Variants in RFC3 observed in about 807,000 individuals in gnomAD.
RFC3 encodes the protein replication factor C subunit 3.
Under a neutral mutation model 45.1 loss-of-function variants are expected in RFC3, and 41 were observed. The ratio of observed to expected loss-of-function variants is 0.91; its 90% confidence interval spans 0.71 to 1.18. RFC3 has a LOEUF of 1.18. Ranked by LOEUF, RFC3 falls within the 50% of genes most tolerant of loss-of-function variation. The pLI is 0.00. For missense variants in RFC3, 423 were observed against 428.1 expected (o/e 0.99, Z 0.10); for synonymous variants, 149 against 144.0 (o/e 1.03, Z -0.25).
At chr13:33,963,671 T>C (rs2083071026) in intron 8 of RFC3, among the ~76,000 whole-genome samples, 4 of 152,216 alleles carry the variant, frequency 2.6e-5, no homozygotes, top group Admixed American at 2.6e-4. Flanking sequence ...CCATCCTCTG[T>C]TTCTATAATG....
intron 8 of RFC3, chr13:33,847,190 C>G (rs1456579073): frequency 1.3e-5 from 2 of 152,432 alleles, no homozygotes; most frequent in Non-Finnish European, 2.9e-5. Flanking sequence ...GCGTGAGCCA[C>G]CATGCCTGGC....
intron 2 of RFC3, among the ~76,000 whole-genome samples, chr13:33,823,562 A>G (rs900242153): frequency 2.6e-5 from 4 of 152,158 alleles, no homozygotes; most frequent in African/African-American, 9.6e-5. Flanking sequence ...TTGACACTCC[A>G]TGAAAATACA....
chr13:33,854,931 T>C (rs2082299166), intron 8 of RFC3, among the ~76,000 whole-genome samples: 1 of 54,652 alleles, frequency 1.8e-5, no homozygotes, highest in African/African-American at 3.5e-5. Context: ...CATAACCATG[T>C]AGTCAAAACT....
In RFC3 at chr13:33,884,971, T is replaced by C. The variant is rs186162154; in HGVS notation, c.879+49754T>C. On this transcript the variant is annotated intron_variant, in intron 8 of 8. Coordinates refer to the RFC3 transcript ENST00000434425. ...GTCATTTCCTGAACTCCTCGACCTC[T>C]TAGTGTGAGAGCCAACTCTTTTATT... Among the ~76,000 whole-genome samples the C allele has an allele frequency of 8.5e-5, 13 of 152,308 alleles. No individual in the cohort carries two copies. The East Asian group carries it at 2.5e-3, about 29-fold the overall frequency.
chr13:33,920,420 C>CTTTT lies in RFC3; in HGVS notation c.880-45645_880-45642dup, dbSNP rs777079510. On this transcript the variant is annotated intron_variant, in intron 8 of 8. Transcript: ENST00000434425. Reference sequence around the variant, plus strand: ...GAGTTTTAGAATTTGTACAACCACACTTTTTTTTTTTTTTTTTTTTTTTTT... The same window carrying CTTTT: ...GAGTTTTAGAATTTGTACAACCACACTTTTTTTTTTTTTTTTTTTTTTTTTTTTT... Among the ~76,000 whole-genome samples the CTTTT allele has an allele frequency of 8.5e-4, 71 of 83,170 alleles. 1 individual carries two copies. The highest frequency in any genetic ancestry group is 1.8e-3 in the African/African-American group (35 of 19,598). The allele number at this position is 83,170 out of a possible 152,430, so 54.6% of individuals were successfully genotyped here. A position where few individuals can be genotyped will look rare whatever the true frequency, so the allele number is the denominator to read the frequency against.
At chr13:33,852,131 T>A (rs1344436399) in intron 8 of RFC3, among the ~76,000 whole-genome samples, 1 of 152,236 alleles carries the variant, frequency 6.6e-6, no homozygotes, top group Non-Finnish European at 1.5e-5. Flanking sequence ...AAGCAAAGAT[T>A]TTAACTGTAA....
At chr13:33,934,174 G>GA (rs200503031) in intron 8 of RFC3, among the ~76,000 whole-genome samples, 26,076 of 143,920 alleles carry the variant, frequency 0.18, 3,246 homozygotes, top group African/African-American at 0.33. Flanking sequence ...TCTACTAAAA[G>GA]AAAAAAAAAA....
At chr13:33,915,829 C>T (rs1290053025) in intron 8 of RFC3, among the ~76,000 whole-genome samples, 2 of 152,010 alleles carry the variant, frequency 1.3e-5, no homozygotes, top group South Asian at 2.1e-4. Context: ...GAGAGAGTCT[C>T]ACTCTGTCAC....
At chr13:33,908,981 G>A (rs2137693227) in intron 8 of RFC3, among the ~76,000 whole-genome samples, 1 of 152,134 alleles carries the variant, frequency 6.6e-6, no homozygotes, top group South Asian at 2.1e-4. Context: ...CACCACAGTG[G>A]GGAAAGCCAT....
rs959348706 is a variant in RFC3 at position 33,909,159 on chromosome 13, AT to A, written c.880-56918del. On this transcript the variant is annotated intron_variant, in intron 8 of 8. Transcript: ENST00000434425. ...GATGTTGAAACTACCTGTAATATACATTTTTTTTTTCAGGCGAGATTTAAGA... is the reference window on the plus strand; with the variant it reads ...GATGTTGAAACTACCTGTAATATACATTTTTTTTTCAGGCGAGATTTAAGA... Among the ~76,000 whole-genome samples, 9 of 149,822 alleles carry A rather than the reference AT, an allele frequency of 6.0e-5. No homozygotes were observed. In the East Asian group the frequency reaches 1.2e-3, roughly 20 times the overall value.
Position 33,835,183 on chromosome 13 carries a change from T to TA in RFC3, c.847dup (p.Thr283AsnfsTer7), listed in dbSNP as rs1288185039. The TA allele has an allele frequency of 3.7e-6, 6 of 1,610,132 alleles. No homozygotes were observed. Among genetic ancestry groups the TA allele is most frequent in the Non-Finnish European group, 5.1e-6 (6 of 1,176,586 alleles). On this transcript the variant is annotated frameshift_variant, in exon 8 of 9. Transcript: ENST00000380071. LOFTEE classifies it high-confidence loss of function. ...GTTCGTGGAAGGCTGTATGAGCTTC[T>TA]AACTCATTGTATTCCTCCTGAGATA...
chr13:33,946,321 G>A (rs1039831394), intron 8 of RFC3, among the ~76,000 whole-genome samples: 1 of 152,178 alleles, frequency 6.6e-6, no homozygotes, highest in Non-Finnish European at 1.5e-5. Context: ...TAATTGGAAT[G>A]TGCCCTGGGA....
intron 8 of RFC3, among the ~76,000 whole-genome samples, chr13:33,935,836 T>C (rs1185250287): frequency 4.6e-5 from 7 of 152,166 alleles, no homozygotes; most frequent in Non-Finnish European, 1.0e-4. Flanking sequence ...TAAGAATACT[T>C]GACAAAACTT....
chr13:33,827,897 C>T (rs181539616), intron 4 of RFC3, among the ~76,000 whole-genome samples: 20 of 152,020 alleles, frequency 1.3e-4, no homozygotes, highest in Non-Finnish European at 2.5e-4. Flanking sequence ...TGGGGCTCTA[C>T]AGCTACCTCT....
At chr13:33,899,229 A>AAAAAAAAAT (rs2082623089) in intron 8 of RFC3, among the ~76,000 whole-genome samples, 1 of 109,388 alleles carries the variant, frequency 9.1e-6, no homozygotes, top group Non-Finnish European at 2.1e-5. Context: ...AAAAAAAAAA[A>AAAAAAAAAT]GAACAAAATT....
intron 8 of RFC3, among the ~76,000 whole-genome samples, chr13:33,870,479 CA>C (rs2082400164): frequency 6.6e-6 from 1 of 152,180 alleles, no homozygotes; most frequent in South Asian, 2.1e-4. Flanking sequence ...GGAGCAAAAA[CA>C]GAAAGGTTGA....
At chr13:33,847,218 G>C (rs749587010) in intron 8 of RFC3, 2 of 152,294 alleles carry the variant, frequency 1.3e-5, no homozygotes, top group Non-Finnish European at 2.9e-5. Flanking sequence ...GATTCTCTCT[G>C]CACCATGCTG....
intron 8 of RFC3, among the ~76,000 whole-genome samples, chr13:33,906,725 A>T (rs183548621): frequency 4.6e-5 from 7 of 152,286 alleles, no homozygotes; most frequent in Non-Finnish European, 8.8e-5. Context: ...ACTTCACAAA[A>T]AATTAAAAGA....
intron 8 of RFC3, among the ~76,000 whole-genome samples, chr13:33,855,303 T>C (rs2137518825): frequency 6.6e-6 from 1 of 152,266 alleles, no homozygotes; most frequent in South Asian, 2.1e-4. Context: ...GAAACATAGA[T>C]GGATTTTTTT....
Sources: allele counts gnomAD v4.1 joint callset (sites outside exome capture counted in the v4.1 genomes callset), GRCh38; gene constraint gnomAD v4.1.1; transcripts MANE v1.5; gene names NCBI Gene and HGNC (gene_info 2026-07-23, HGNC 2026-07-21).